The following ZNF469 variants were observed in gnomAD, a reference collection of about 807,000 sequenced individuals.
ZNF469 encodes the protein zinc finger protein 469.
In ZNF469, 1 loss-of-function variant was observed where a neutral mutation model predicts 1.0. The observed-to-expected ratio is 1.00, with a 90% CI of 0.35 to 4.73. ZNF469 has a LOEUF of 4.73. Ranked by LOEUF, ZNF469 falls within the 30% of genes most tolerant of loss-of-function variation. The probability of loss-of-function intolerance (pLI) is 0.16; values close to 1 mark genes in which losing one functional copy is unlikely to be tolerated. For missense variants in ZNF469, 6,100 were observed against 5,356.3 expected (o/e 1.14, Z -4.33); for synonymous variants, 2,703 against 2,363.4 (o/e 1.14, Z -4.17).
the ZNF469 span, among the ~76,000 whole-genome samples, chr16:88,230,542 AAGG>A: frequency 1.4e-5 from 2 of 147,284 alleles, no homozygotes; most frequent in Non-Finnish European, 3.0e-5. Context: ...TCGGGTGGGA[AAGG>A]AGCTTATGAG....
At chr16:88,370,929 T>G in the ZNF469 span, among the ~76,000 whole-genome samples, 1 of 152,240 alleles carries the variant, frequency 6.6e-6, no homozygotes, top group Admixed American at 6.5e-5. Flanking sequence ...CCCTGCCATG[T>G]GAGTGAGCCA....
At chr16:88,415,775 C>T (rs1029551118) in intron 1 of ZNF469, among the ~76,000 whole-genome samples, 1 of 152,214 alleles carries the variant, frequency 6.6e-6, no homozygotes, top group Non-Finnish European at 1.5e-5. Context: ...ATCTGCAAAC[C>T]GGGACCGACG....
chr16:88,223,912 C>T, the ZNF469 span, among the ~76,000 whole-genome samples: 6 of 152,242 alleles, frequency 3.9e-5, no homozygotes, highest in African/African-American at 9.6e-5. Context: ...CACCGCGTCC[C>T]GCCCTGGGGG....
At position 88,431,251 on chromosome 16, in the gene ZNF469, G is replaced by T; in HGVS notation, c.3781G>T (p.Gly1261Cys). 5.2e-6 allele frequency: 8 copies of T among 1,550,366 alleles called. No individual in the cohort carries two copies. The highest frequency in any genetic ancestry group is 7.0e-6 in the Non-Finnish European group (8 of 1,146,966). The change falls in exon 3 of 3, where the codon GGT (glycine) becomes TGT (cysteine). Residue 1261 changes from glycine to cysteine, a missense_variant. Gly to Cys is a radical substitution (Grantham distance 159). Coordinates refer to ENST00000565624, the MANE Select transcript of ZNF469 (RefSeq NM_001367624.2). ...ACAGEMGASP[G>C]LLIPEQPPPS... is the part of the protein sequence containing the mutation. The stretch of plus-strand genomic sequence containing the variant: ...TGCGGGAGAAATGGGAGCAAGCCCC[G>T]GTCTCCTGATACCAGAGCAGCCGCC...
the ZNF469 span, among the ~76,000 whole-genome samples, chr16:88,374,494 G>A: frequency 6.6e-6 from 1 of 152,224 alleles, no homozygotes; most frequent in Admixed American, 6.5e-5. Flanking sequence ...CCCCGACAGG[G>A]AAAGGCTGTG....
the ZNF469 span, among the ~76,000 whole-genome samples, chr16:88,311,621 G>T: frequency 1.3e-5 from 2 of 152,110 alleles, no homozygotes; most frequent in Non-Finnish European, 2.9e-5. Context: ...TTACTGTGCT[G>T]GGCTCCAACT....
At chr16:88,199,787 C>T in the ZNF469 span, among the ~76,000 whole-genome samples, 1 of 152,220 alleles carries the variant, frequency 6.6e-6, no homozygotes, top group Non-Finnish European at 1.5e-5. Context: ...TGTGTGGCTC[C>T]AGGGACTCAG....
the ZNF469 span, among the ~76,000 whole-genome samples, chr16:88,303,231 G>T: frequency 3.3e-5 from 5 of 152,334 alleles, no homozygotes; most frequent in East Asian, 1.9e-4. Context: ...GCATGCAGCC[G>T]CCAGCCATGG....
chr16:88,327,561 G>A, the ZNF469 span, among the ~76,000 whole-genome samples: 74 of 152,176 alleles, frequency 4.9e-4, 2 homozygotes, highest in South Asian at 0.014. Context: ...GTTGGGGGGG[G>A]GTCTGTGCTC....
chr16:88,434,572 G>A lies in ZNF469; in HGVS notation c.7102G>A (p.Gly2368Ser), dbSNP rs533944505. The A allele has an allele frequency of 1.5e-4, 234 of 1,550,316 alleles. 1 individual carries two copies. The African/African-American group carries it at 2.9e-3, about 19-fold the overall frequency. ...GCCGGACTCCCCCGCCTGCCTGGAA[G>A]GTGAGATGGGGACCAGCAGCAAGGA... Reference protein sequence around the residue: ...AGPDSPACLEGEMGTSSKEPE... With the variant: ...AGPDSPACLESEMGTSSKEPE... The change falls in exon 3 of 3, where the codon GGT becomes AGT. Residue 2368 changes from glycine (G) to serine (S), a missense_variant. Gly to Ser is a moderately conservative substitution (Grantham distance 56). Coordinates refer to ENST00000565624, the MANE Select transcript of ZNF469 (RefSeq NM_001367624.2).
At chr16:88,371,735 G>A in the ZNF469 span, among the ~76,000 whole-genome samples, 2 of 151,994 alleles carry the variant, frequency 1.3e-5, no homozygotes, top group South Asian at 2.1e-4. Flanking sequence ...TTGGTTGCTT[G>A]TTCTCAGTGA....
chr16:88,186,368 C>T, the ZNF469 span, among the ~76,000 whole-genome samples: 1 of 152,200 alleles, frequency 6.6e-6, no homozygotes. Context: ...CCGTGGGCTT[C>T]GCCAGAAGCC....
At chr16:88,141,996 C>A in the ZNF469 span, among the ~76,000 whole-genome samples, 2 of 152,170 alleles carry the variant, frequency 1.3e-5, no homozygotes, top group Admixed American at 6.5e-5. Context: ...TGACTGCAGC[C>A]GCAGGAGGCT....
chr16:88,431,311 T>A lies in ZNF469; in HGVS notation c.3841T>A (p.Ser1281Thr). ...ACATGACACCGGCACCCCCAAGCCG[T>A]CGGGAAGCCTCGCCAACACGGCGCC... ...SRHDTGTPKP[S>T]GSLANTAPHG... Residue 1281 changes from serine (S) to threonine (T), a missense_variant, in exon 3 of 3, where the codon TCG becomes ACG. Ser to Thr is a moderately conservative substitution (Grantham distance 58). Transcript: ENST00000565624. The A allele has an allele frequency of 6.5e-7, 1 of 1,549,776 alleles. No homozygotes were observed. The highest frequency in any genetic ancestry group is 8.7e-7 in the Non-Finnish European group (1 of 1,146,720).
chr16:88,251,536 G>GTGTTTTTTT, the ZNF469 span, among the ~76,000 whole-genome samples: 696 of 78,800 alleles, frequency 8.8e-3, 104 homozygotes, highest in Non-Finnish European at 0.013. Flanking sequence ...TGTCCCTGCT[G>GTGTTTTTTT]TCTTTTTTTT....
the ZNF469 span, among the ~76,000 whole-genome samples, chr16:88,331,682 A>G: frequency 3.3e-5 from 5 of 151,450 alleles, no homozygotes; most frequent in African/African-American, 9.7e-5. Context: ...CACCATCACT[A>G]TTATCACCAT....
chr16:88,371,995 A>C, the ZNF469 span, among the ~76,000 whole-genome samples: 3 of 150,022 alleles, frequency 2.0e-5, no homozygotes, highest in African/African-American at 4.9e-5. Context: ...CATCACCATC[A>C]CCATCATCAC....
intron 1 of ZNF469, among the ~76,000 whole-genome samples, chr16:88,415,131 A>AG (rs1905271207): frequency 6.6e-6 from 1 of 152,146 alleles, no homozygotes; most frequent in African/African-American, 2.4e-5. Context: ...AGCAATGGGG[A>AG]GGAACAGAAC....
chr16:88,352,912 G>A, the ZNF469 span, among the ~76,000 whole-genome samples: 8 of 152,180 alleles, frequency 5.3e-5, no homozygotes, highest in Admixed American at 2.6e-4. Context: ...GGTCCCCTCC[G>A]TTGGAGAGGC....
Sources: allele counts gnomAD v4.1 joint callset (sites outside exome capture counted in the v4.1 genomes callset), GRCh38; gene constraint gnomAD v4.1.1; transcripts MANE v1.5; gene names NCBI Gene and HGNC (gene_info 2026-07-23, HGNC 2026-07-21).